The following TMC5 variants were observed in gnomAD, a reference collection of about 807,000 sequenced individuals.
The protein encoded by TMC5 is transmembrane channel-like protein 5.
A neutral mutation model predicts 110.5 loss-of-function variants in TMC5; 86 were observed. That is an observed-to-expected ratio of 0.78 (90% CI 0.65 to 0.93). The LOEUF is 0.93. Ranked by LOEUF, TMC5 falls within the 40% of genes least tolerant of loss-of-function variation. The pLI is 0.00. For synonymous variants in TMC5, 455 were observed against 439.5 expected (o/e 1.04, Z -0.44); for missense variants, 1,144 against 1,222.8 (o/e 0.94, Z 0.96).
chr16:19,475,843 C>T (rs1443377702), intron 12 of TMC5, among the ~76,000 whole-genome samples: 2 of 133,856 alleles, frequency 1.5e-5, no homozygotes, highest in South Asian at 2.4e-4. Context: ...CTCATTCTGT[C>T]GCCCAGGCTG....
chr16:19,492,052 A>G (rs1329529740), intron 18 of TMC5, 98 bp from the exon 19 acceptor site: 1 of 949,450 alleles, frequency 1.1e-6, no homozygotes, highest in African/African-American at 1.6e-5. Flanking sequence ...GGCCAAATCC[A>G]TCTGCAAGCA....
At position 19,444,009 on chromosome 16, in the gene TMC5, ATGGATG is replaced by A. The variant is rs1597174898; in HGVS notation, c.789-71_789-66del. On this transcript the variant is annotated intron_variant, in intron 3 of 21. Transcript: ENST00000542583. Reference sequence around the variant, plus strand: ...AATACATGATTGAATGGATGGATGGATGGATGGATGGATGGATGACAATCCTTACTA... The same window carrying A: ...AATACATGATTGAATGGATGGATGGAGATGGATGGATGACAATCCTTACTA... 6.5e-6 allele frequency: 9 copies of A among 1,377,498 alleles called. No homozygotes were observed. In the East Asian group the frequency reaches 1.9e-4, roughly 28 times the overall value. 85.3% of individuals were successfully genotyped at this position (1,377,498 alleles called of 1,614,324 possible). A position where few individuals can be genotyped will look rare whatever the true frequency, so the allele number is the denominator to read the frequency against.
chr16:19,441,843 G>T (rs554550394), intron 3 of TMC5, among the ~76,000 whole-genome samples: 1 of 151,116 alleles, frequency 6.6e-6, no homozygotes, highest in South Asian at 2.1e-4. Flanking sequence ...CGCTCTTGTT[G>T]CCCAGGCTGG....
upstream of TMC5, among the ~76,000 whole-genome samples, chr16:19,414,844 G>A (rs560992393): frequency 1.5e-4 from 23 of 151,986 alleles, no homozygotes; most frequent in Middle Eastern, 3.4e-3. Flanking sequence ...CCAGGAGTTC[G>A]AGACCAGCCT....
At chr16:19,428,911 C>T (rs1051151304) in intron 1 of TMC5, among the ~76,000 whole-genome samples, 2 of 152,140 alleles carry the variant, frequency 1.3e-5, no homozygotes, top group Non-Finnish European at 2.9e-5. Flanking sequence ...CTGCAACCTC[C>T]GCCTTCCAGG....
chr16:19,429,303 A>T (rs113513231), intron 1 of TMC5, among the ~76,000 whole-genome samples: 14 of 152,228 alleles, frequency 9.2e-5, no homozygotes, highest in African/African-American at 3.1e-4. Flanking sequence ...GTTTATTTAC[A>T]GGAAGGCTTT....
chr16:19,457,314 A>G (rs532775775), intron 5 of TMC5, among the ~76,000 whole-genome samples: 1 of 152,306 alleles, frequency 6.6e-6, no homozygotes, highest in Non-Finnish European at 1.5e-5. Flanking sequence ...AGATCACTTG[A>G]GCCTAGGAGT....
At chr16:19,445,066 T>C (rs1430454564) in intron 4 of TMC5, among the ~76,000 whole-genome samples, 2 of 151,962 alleles carry the variant, frequency 1.3e-5, no homozygotes, top group Non-Finnish European at 2.9e-5. Flanking sequence ...GAGGCGGAGG[T>C]TGCAGTGAGC....
chr16:19,431,263 G>A lies in TMC5; in HGVS notation c.-80+623G>A, dbSNP rs551794270. ...CGTTAGAAGATAAAACGTGGGGGCC[G>A]GGCGCGGTGGCTCACACCTGTAATC... On this transcript the variant is annotated intron_variant, in intron 2 of 21. Coordinates refer to ENST00000542583, the MANE Select transcript of TMC5 (RefSeq NM_001261841.2). Among the ~76,000 whole-genome samples, 35 of 152,196 alleles carry A rather than the reference G, an allele frequency of 2.3e-4. No homozygotes were observed. The East Asian group carries it at 4.8e-3, about 21-fold the overall frequency.
rs267604432 is a variant in TMC5, at chr16:19,440,441, C to A, written c.403C>A (p.Pro135Thr). ...AGACTACCCTGGATCTCAACGAAAT[C>A]CTGATTTTGCAGGCTCCAGCAGCAG... ...QPDYPGSQRNPDFAGSSSSGN... is the reference protein window; with the variant it reads ...QPDYPGSQRNTDFAGSSSSGN... Residue 135 changes from proline to threonine, a missense_variant, in exon 3 of 22, where the codon CCT becomes ACT. By Grantham distance (38) the Pro-to-Thr change is conservative. Coordinates refer to ENST00000542583, the MANE Select transcript of TMC5 (RefSeq NM_001261841.2). 2 of 1,613,936 alleles carry A rather than the reference C, an allele frequency of 1.2e-6. No homozygotes were observed. Among genetic ancestry groups the A allele is most frequent in the Non-Finnish European group, 1.7e-6 (2 of 1,180,032 alleles).
chr16:19,466,171 G>A lies in TMC5; in HGVS notation c.1575G>A (p.Gln525=). ...ACAGCGGGGCATCCTACAACATGCA[G>A]CTGGCCTACATCTTCACAATCGGAG... is the stretch of plus-strand genomic sequence containing the variant. ...HGNSGASYNM[Q]LAYIFTIGAC... The change falls in exon 9 of 22, where the codon CAG becomes CAA. Residue 525 remains glutamine (Q), a synonymous_variant. Coordinates refer to ENST00000542583, the MANE Select transcript of TMC5 (RefSeq NM_001261841.2). 1 of 1,614,100 alleles carries A rather than the reference G, an allele frequency of 6.2e-7. No individual in the cohort carries two copies.
chr16:19,448,302 ACG>A (rs1033114711), intron 4 of TMC5, among the ~76,000 whole-genome samples: 142 of 70,894 alleles, frequency 2.0e-3, no homozygotes, highest in African/African-American at 8.4e-3. Flanking sequence ...TTACACACAC[ACG>A]CACACACACA....
chr16:19,435,299 G>A (rs1172196392), intron 2 of TMC5, among the ~76,000 whole-genome samples: 1 of 149,908 alleles, frequency 6.7e-6, no homozygotes, highest in African/African-American at 2.5e-5. Context: ...AGACCATCCT[G>A]GCTAACATGG....
At position 19,460,218 on chromosome 16, in the gene TMC5, A is replaced by C; in HGVS notation, c.1049-17A>C. On this transcript the variant is annotated splice_polypyrimidine_tract_variant and intron_variant, in intron 5 of 21. Transcript: ENST00000542583. ...TTAAAGAAAAAAGAAATTAAATTCC[A>C]TTAATTTCTTTCATAGGACAGAAGT... The C allele has an allele frequency of 6.4e-7, 1 of 1,568,006 alleles. No individual in the cohort carries two copies. The highest frequency in any genetic ancestry group is 8.7e-7 in the Non-Finnish European group (1 of 1,143,674).
At chr16:19,437,057 C>A (rs1025014031) in intron 2 of TMC5, among the ~76,000 whole-genome samples, 3 of 152,140 alleles carry the variant, frequency 2.0e-5, no homozygotes, top group African/African-American at 7.2e-5. Context: ...CACCTGTAGT[C>A]CCAGCTACTC....
chr16:19,497,153 T>C lies in TMC5; in HGVS notation c.2964T>C (p.Asp988=), dbSNP rs753071027. 1.9e-6 allele frequency: 3 copies of C among 1,614,086 alleles called. No homozygotes were observed. Among genetic ancestry groups the C allele is most frequent in the African/African-American group, 1.3e-5 (1 of 75,056 alleles). The change falls in exon 21 of 22, where the codon GAT becomes GAC. Residue 988 remains aspartate (D), a synonymous_variant. Transcript: ENST00000542583. ...GCTTTTTGCATTTGGGGGAACATGATGGCAGTCTTGGTGAGTAATTAAACT... is the reference window on the plus strand; with the variant it reads ...GCTTTTTGCATTTGGGGGAACATGACGGCAGTCTTGGTGAGTAATTAAACT... ...QQGFLHLGEH[D]GSLDLRSRRS... is the part of the protein sequence containing the mutation.
intron 19 of TMC5, 128 bp downstream of exon 19, chr16:19,492,356 A>G: frequency 2.0e-6 from 1 of 490,840 alleles, no homozygotes; most frequent in Non-Finnish European, 3.6e-6. Flanking sequence ...ACAACCATCA[A>G]TGTTTTTATA....
intron 13 of TMC5, among the ~76,000 whole-genome samples, chr16:19,478,853 G>C (rs1474045746): frequency 6.6e-6 from 1 of 152,054 alleles, no homozygotes; most frequent in Non-Finnish European, 1.5e-5. Flanking sequence ...GCACCCAAAA[G>C]TTTCCTCTCC....
Position 19,440,419 on chromosome 16 carries a change from C to G in TMC5, c.381C>G (p.Asp127Glu). The G allele has an allele frequency of 1.2e-6, 2 of 1,614,130 alleles. No individual in the cohort carries two copies. The highest frequency in any genetic ancestry group is 1.1e-5 in the South Asian group (1 of 91,068). Residue 127 changes from aspartate to glutamate, a missense_variant, in exon 3 of 22, where the codon GAC (aspartate) becomes GAG (glutamate). Transcript: ENST00000542583. ...ACCGAGCATCATCCAGACAACCAGA[C>G]TACCCTGGATCTCAACGAAATCCTG... is the stretch of plus-strand genomic sequence containing the variant. ...PYHRASSRQP[D>E]YPGSQRNPDF...
Sources: gnomAD v4.1 joint callset for allele counts (sites outside exome capture counted in the v4.1 genomes callset) on GRCh38, gnomAD v4.1.1 for gene constraint, MANE v1.5 for transcripts, NCBI Gene and HGNC (gene_info 2026-07-23, HGNC 2026-07-21) for gene names.